The following ALK variants were observed in gnomAD, a reference collection of about 807,000 sequenced individuals.
The protein encoded by ALK is ALK receptor tyrosine kinase.
A neutral mutation model predicts 163.1 loss-of-function variants in ALK; 74 were observed. That is an observed-to-expected ratio of 0.45 (90% CI 0.38 to 0.55). ALK has a LOEUF of 0.55. Ranked by LOEUF, ALK falls within the 20% of genes least tolerant of loss-of-function variation. The pLI is 0.00. For missense variants in ALK, 2,063 were observed against 2,105.3 expected (o/e 0.98, Z 0.39); for synonymous variants, 960 against 843.2 (o/e 1.14, Z -2.40).
At chr2:29,378,998 C>T (rs1319508140) in intron 5 of ALK, among the ~76,000 whole-genome samples, 1 of 152,196 alleles carries the variant, frequency 6.6e-6, no homozygotes, top group Non-Finnish European at 1.5e-5. Flanking sequence ...CAGGCATGAG[C>T]CACCACGCCT....
intron 4 of ALK, among the ~76,000 whole-genome samples, chr2:29,395,825 C>A (rs1669290149): frequency 6.6e-6 from 1 of 152,188 alleles, no homozygotes; most frequent in South Asian, 2.1e-4. Context: ...TTTTGGGGTC[C>A]CCCTTCTGTC....
chr2:29,561,095 G>C (rs1362961335), intron 3 of ALK, among the ~76,000 whole-genome samples: 1 of 151,936 alleles, frequency 6.6e-6, no homozygotes, highest in East Asian at 1.9e-4. Context: ...TGGCTATATT[G>C]AGTTAAATAA....
In ALK at chr2:29,712,905, C is replaced by T. The variant is rs555438470; in HGVS notation, c.787+4673G>A. On this transcript the variant is annotated intron_variant, in intron 2 of 28. Coordinates refer to ENST00000389048, the MANE Select transcript of ALK (RefSeq NM_004304.5). The stretch of plus-strand genomic sequence containing the variant: ...CTTTTCCAGGAGCCAATGTTTTGGA[C>T]ATTAGGGGGCTGGATCAGCTTCTTA... Among the ~76,000 whole-genome samples, 5 of 152,236 alleles carry T rather than the reference C, an allele frequency of 3.3e-5. No individual in the cohort carries two copies. The South Asian group carries it at 1.0e-3, about 32-fold the overall frequency.
intron 5 of ALK, among the ~76,000 whole-genome samples, chr2:29,373,935 G>A (rs562895730): frequency 1.3e-5 from 2 of 152,358 alleles, no homozygotes; most frequent in African/African-American, 4.8e-5. Context: ...TCAGGCATAA[G>A]AGCATAGGTC....
intron 1 of ALK, among the ~76,000 whole-genome samples, chr2:29,892,071 C>T (rs1256389634): frequency 6.6e-6 from 1 of 152,172 alleles, no homozygotes; most frequent in Non-Finnish European, 1.5e-5. Flanking sequence ...TCAGTCTTAC[C>T]TACTACCTGC....
chr2:29,571,982 C>T (rs575761891), intron 3 of ALK, among the ~76,000 whole-genome samples: 2 of 152,090 alleles, frequency 1.3e-5, no homozygotes, highest in African/African-American at 4.8e-5. Flanking sequence ...ACAAAGAAAG[C>T]CCAGGTGAAG....
chr2:29,679,714 A>T (rs552969847), intron 3 of ALK, among the ~76,000 whole-genome samples: 1 of 137,366 alleles, frequency 7.3e-6, no homozygotes, highest in South Asian at 2.6e-4. Flanking sequence ...GTCTTTTAAG[A>T]TGTTAAGAGA....
chr2:29,596,075 G>T (rs976523672), intron 3 of ALK, among the ~76,000 whole-genome samples: 1 of 152,154 alleles, frequency 6.6e-6, no homozygotes, highest in Non-Finnish European at 1.5e-5. Flanking sequence ...ATACAGGGCT[G>T]GTGCCTACTC....
At chr2:29,619,163 A>G (rs1675952233) in intron 3 of ALK, among the ~76,000 whole-genome samples, 1 of 152,342 alleles carries the variant, frequency 6.6e-6, no homozygotes, top group African/African-American at 2.4e-5. Context: ...AGTACCAAGT[A>G]ACTGATCACA....
At chr2:29,489,267 T>C (rs973779252) in intron 4 of ALK, among the ~76,000 whole-genome samples, 2 of 152,220 alleles carry the variant, frequency 1.3e-5, no homozygotes, top group Admixed American at 6.5e-5. Context: ...GAATTCAGTA[T>C]ACTACAAGTA....
intron 1 of ALK, among the ~76,000 whole-genome samples, chr2:29,764,788 T>A (rs561519738): frequency 6.6e-6 from 1 of 152,346 alleles, no homozygotes; most frequent in South Asian, 2.1e-4. Flanking sequence ...CCCATTTTCA[T>A]GAAATCTGTT....
chr2:29,595,402 G>A (rs906733309), intron 3 of ALK, among the ~76,000 whole-genome samples: 2 of 149,198 alleles, frequency 1.3e-5, no homozygotes, highest in Non-Finnish European at 3.0e-5. Context: ...CTCACTGCAA[G>A]CTCTGCCTCC....
At chr2:29,788,363 T>G (rs1664097340) in intron 1 of ALK, among the ~76,000 whole-genome samples, 1 of 152,156 alleles carries the variant, frequency 6.6e-6, no homozygotes, top group South Asian at 2.1e-4. Flanking sequence ...GGAACGAGTG[T>G]CTAGCTGCCA....
chr2:29,220,598 C>T (rs547446011), intron 23 of ALK, 108 bp downstream of exon 23: 3 of 1,527,316 alleles, frequency 2.0e-6, no homozygotes, highest in Non-Finnish European at 2.7e-6. Flanking sequence ...AAGTTGACAC[C>T]CTGGGTTCCA....
intron 1 of ALK, among the ~76,000 whole-genome samples, chr2:29,851,622 T>C (rs1227924188): frequency 3.3e-5 from 5 of 152,216 alleles, no homozygotes; most frequent in Admixed American, 2.6e-4. Context: ...TGGAAGTCTG[T>C]GTTTCTGTCC....
In ALK at chr2:29,393,939, G is replaced by A. The variant is rs578188898; in HGVS notation, c.1155-10080C>T. The stretch of plus-strand genomic sequence containing the variant: ...ATCAGGAAACAAATCTTAAAAACCC[G>A]GAAAGTCTCCAGAGAGCCTTCAGAT... On this transcript the variant is annotated intron_variant, in intron 4 of 28. Transcript: ENST00000389048. 1.4e-4 allele frequency among the ~76,000 whole-genome samples: 21 copies of A among 152,242 alleles called. 1 individual carries two copies. The South Asian group carries it at 3.5e-3, about 26-fold the overall frequency.
chr2:29,541,880 C>T (rs1009968896), intron 3 of ALK, among the ~76,000 whole-genome samples: 1 of 152,164 alleles, frequency 6.6e-6, no homozygotes, highest in South Asian at 2.1e-4. Context: ...AAGCTGCTAC[C>T]GTGAGATTTC....
At chr2:29,229,088 C>A (rs1339455756) in intron 15 of ALK, 22 bp from the exon 16 acceptor site, 1 of 1,612,060 alleles carries the variant, frequency 6.2e-7, no homozygotes, top group African/African-American at 1.3e-5. Flanking sequence ...GATAGGGAAC[C>A]TGCGTGAGGA....
intron 1 of ALK, among the ~76,000 whole-genome samples, chr2:29,822,625 G>T (rs1373634435): frequency 6.6e-6 from 1 of 152,210 alleles, no homozygotes; most frequent in Non-Finnish European, 1.5e-5. Flanking sequence ...CTGAGCCTCA[G>T]TGAGGTTCCT....
Sources: gnomAD v4.1 joint callset for allele counts (sites outside exome capture counted in the v4.1 genomes callset) on GRCh38, gnomAD v4.1.1 for gene constraint, MANE v1.5 for transcripts, NCBI Gene and HGNC (gene_info 2026-07-23, HGNC 2026-07-21) for gene names.